TENM4: variants seen among roughly 807,000 people sequenced by gnomAD.
The protein encoded by TENM4 is teneurin-4.
In TENM4, 82 loss-of-function variants were observed where a neutral mutation model predicts 243.3. The observed-to-expected ratio is 0.34, with a 90% CI of 0.28 to 0.40. The LOEUF (loss-of-function observed/expected upper bound fraction) is 0.40, where lower values mean the gene tolerates loss of function less well. Ranked by LOEUF, TENM4 falls within the 10% of genes least tolerant of loss-of-function variation. TENM4 has a pLI of 1.00. For missense variants in TENM4, 3,138 were observed against 3,673.3 expected, an observed-to-expected ratio of 0.85 and a Z score of 3.77; for synonymous variants, 1,412 against 1,456.3, an observed-to-expected ratio of 0.97 and a Z score of 0.69.
intron 6 of TENM4, among the ~76,000 whole-genome samples, chr11:78,909,418 T>C (rs1856133050): frequency 6.6e-6 from 1 of 152,240 alleles, no homozygotes; most frequent in African/African-American, 2.4e-5. Flanking sequence ...CTAAGCAATT[T>C]GCCCAGGATT....
chr11:79,252,230 G>T (rs1257027805), intron 2 of TENM4, among the ~76,000 whole-genome samples: 1 of 152,170 alleles, frequency 6.6e-6, no homozygotes, highest in Non-Finnish European at 1.5e-5. Context: ...ATGCTGCGAA[G>T]AAGTTCTCTC....
At chr11:78,955,517 T>C (rs938100403) in intron 6 of TENM4, among the ~76,000 whole-genome samples, 2 of 152,210 alleles carry the variant, frequency 1.3e-5, no homozygotes, top group Admixed American at 1.3e-4. Flanking sequence ...ATAGCTAATG[T>C]GCCTTCCTCG....
intron 6 of TENM4, among the ~76,000 whole-genome samples, chr11:78,964,036 C>A (rs970083060): frequency 9.1e-6 from 1 of 109,398 alleles, no homozygotes; most frequent in Admixed American, 9.9e-5. Context: ...CACACCCAGA[C>A]TTTTTTTTTT....
At position 78,734,190 on chromosome 11, in the gene TENM4, C is replaced by CA. The variant is rs869204427; in HGVS notation, c.2877-1614dup. Among the ~76,000 whole-genome samples, 19 of 77,928 alleles carry CA rather than the reference C, an allele frequency of 2.4e-4. 1 individual carries two copies. The South Asian group carries it at 5.9e-3, about 24-fold the overall frequency. The allele number at this position is 77,928 out of a possible 152,430, so 51.1% of individuals were successfully genotyped here. Reference sequence around the variant, plus strand: ...TTGGGTGACAGAGTGAAACCTGTCTCAAAAAAATAAAAAATAAAAAATAAA... The same window carrying CA: ...TTGGGTGACAGAGTGAAACCTGTCTCAAAAAAAATAAAAAATAAAAAATAAA... On this transcript the variant is annotated intron_variant, in intron 20 of 33. Coordinates refer to ENST00000278550, the MANE Select transcript of TENM4 (RefSeq NM_001098816.3).
intron 18 of TENM4, among the ~76,000 whole-genome samples, chr11:78,758,506 G>A (rs1856361701): frequency 6.6e-6 from 1 of 152,138 alleles, no homozygotes; most frequent in African/African-American, 2.4e-5. Flanking sequence ...TAGTCTCTCT[G>A]AGCCACATTT....
chr11:79,358,570 T>C (rs1448087680), intron 1 of TENM4, among the ~76,000 whole-genome samples: 3 of 152,156 alleles, frequency 2.0e-5, no homozygotes, highest in Non-Finnish European at 4.4e-5. Context: ...AAAAAACTAA[T>C]GTGGGTAGTG....
At chr11:78,932,121 A>T (rs1856681976) in intron 6 of TENM4, among the ~76,000 whole-genome samples, 1 of 152,210 alleles carries the variant, frequency 6.6e-6, no homozygotes, top group Non-Finnish European at 1.5e-5. Flanking sequence ...CATTGTTGTC[A>T]TTACTGTGAA....
At chr11:78,795,266 C>T (rs747011877) in intron 15 of TENM4, among the ~76,000 whole-genome samples, 2 of 152,182 alleles carry the variant, frequency 1.3e-5, no homozygotes, top group Admixed American at 6.5e-5. Context: ...ACCCTGCCAT[C>T]ATCAAATTAA....
At chr11:79,253,386 A>C (rs1268928039) in intron 2 of TENM4, among the ~76,000 whole-genome samples, 1 of 152,212 alleles carries the variant, frequency 6.6e-6, no homozygotes, top group East Asian at 1.9e-4. Context: ...CATGCCAGGA[A>C]ACAAACAAAC....
intron 6 of TENM4, among the ~76,000 whole-genome samples, chr11:78,905,529 G>A (rs928740689): frequency 7.2e-5 from 11 of 152,130 alleles, no homozygotes; most frequent in Non-Finnish European, 1.6e-4. Context: ...TCCGGAATCC[G>A]ATCCATGTCT....
intron 4 of TENM4, among the ~76,000 whole-genome samples, chr11:79,075,768 G>A (rs1252855304): frequency 6.6e-6 from 1 of 152,164 alleles, no homozygotes; most frequent in Non-Finnish European, 1.5e-5. Context: ...GCAGGGACTC[G>A]GCCTGTCAGT....
chr11:78,686,156 G>C (rs916053153), intron 29 of TENM4, among the ~76,000 whole-genome samples: 1 of 152,196 alleles, frequency 6.6e-6, no homozygotes, highest in Non-Finnish European at 1.5e-5. Flanking sequence ...AGAATCTGAA[G>C]AGACAGGCCT....
At chr11:79,205,136 A>G (rs543873129) in intron 3 of TENM4, among the ~76,000 whole-genome samples, 1 of 152,252 alleles carries the variant, frequency 6.6e-6, no homozygotes, top group East Asian at 1.9e-4. Context: ...TACTTGCAAT[A>G]TCTTTCTTTT....
At chr11:79,230,240 A>C (rs977863278) in intron 2 of TENM4, among the ~76,000 whole-genome samples, 1 of 152,216 alleles carries the variant, frequency 6.6e-6, no homozygotes, top group Non-Finnish European at 1.5e-5. Context: ...TCCTTCTTTC[A>C]GGACATCACC....
At chr11:78,668,723 T>C (rs538061061) in intron 32 of TENM4, among the ~76,000 whole-genome samples, 4 of 152,310 alleles carry the variant, frequency 2.6e-5, no homozygotes, top group Admixed American at 2.6e-4. Context: ...GTAATAATGG[T>C]GGTGACCCTG....
At chr11:78,863,269 T>C (rs1308002610) in intron 9 of TENM4, 137 bp from the exon 10 acceptor site, 40 of 996,522 alleles carry the variant, frequency 4.0e-5, no homozygotes, top group Non-Finnish European at 5.4e-5. Flanking sequence ...AAAAGGAAGC[T>C]CTTGTAGTGC....
chr11:79,224,767 A>G (rs1305898204), intron 2 of TENM4, among the ~76,000 whole-genome samples: 1 of 152,194 alleles, frequency 6.6e-6, no homozygotes, highest in Admixed American at 6.5e-5. Context: ...CCTGGCCAAC[A>G]TGGCAAAACC....
At chr11:79,269,312 A>G (rs1185244728) in intron 2 of TENM4, among the ~76,000 whole-genome samples, 1 of 152,196 alleles carries the variant, frequency 6.6e-6, no homozygotes, top group African/African-American at 2.4e-5. Flanking sequence ...TTCTGTTTGT[A>G]TTATTTAACA....
Position 78,654,358 on chromosome 11 carries a change from C to T in TENM4, c.*3700G>A, listed in dbSNP as rs1857839038. ...CACCGCCCTCACCACATGGCCACCA[C>T]AAATACAAGACTGCAAGTGGTAAAA... On this transcript the variant is annotated 3_prime_UTR_variant, in exon 34 of 34. Transcript: ENST00000278550. The T allele has an allele frequency of 6.6e-6, 1 of 152,188 alleles. No individual in the cohort carries two copies. The highest frequency in any genetic ancestry group is 2.4e-5 in the African/African-American group (1 of 41,456). 9.4% of individuals were successfully genotyped at this position (152,188 alleles called of 1,614,324 possible). A position where few individuals can be genotyped will look rare whatever the true frequency, so the allele number is the denominator to read the frequency against.
Sources: allele counts gnomAD v4.1 joint callset (sites outside exome capture counted in the v4.1 genomes callset), GRCh38; gene constraint gnomAD v4.1.1; transcripts MANE v1.5; gene names NCBI Gene and HGNC (gene_info 2026-07-23, HGNC 2026-07-21).